PLG: variants seen among roughly 807,000 people sequenced by gnomAD.
The protein encoded by PLG is plasminogen, also known as plasmin.
PLG carries 41 observed loss-of-function variants against 104.4 expected under a neutral mutation model. The observed-to-expected ratio is 0.39, with a 90% CI of 0.31 to 0.51. The LOEUF (loss-of-function observed/expected upper bound fraction) is 0.51, where lower values mean the gene tolerates loss of function less well. Among genes scored for constraint, PLG ranks in the 20% least tolerant of loss-of-function variants. The pLI is 0.76. For synonymous variants in PLG, 337 were observed against 357.1 expected (o/e 0.94, Z 0.63); for missense variants, 891 against 1,003.6 (o/e 0.89, Z 1.52).
rs956769520 is a variant in PLG at position 160,734,760 on chromosome 6, A to G, written c.1681+672A>G. 8.6e-5 allele frequency among the ~76,000 whole-genome samples: 13 copies of G among 150,900 alleles called. No individual in the cohort carries two copies. The East Asian group carries it at 1.2e-3, about 14-fold the overall frequency. On this transcript the variant is annotated intron_variant, in intron 13 of 18. Transcript: ENST00000308192. The surrounding 1 kb of genome is among the most constrained non-coding windows in gnomAD (Gnocchi z 4.4). The stretch of plus-strand genomic sequence containing the variant: ...GGGTATTTCTGAAAAAAAAAAAAAA[A>G]AAAAGAAAGGAAGCTACTTGGAATT...
chr6:160,749,106 G>A (rs141831021), intron 17 of PLG, among the ~76,000 whole-genome samples: 17 of 152,322 alleles, frequency 1.1e-4, no homozygotes, highest in Middle Eastern at 6.8e-3. Flanking sequence ...ATGAAAGCAC[G>A]AAGCTAAAAT....
Position 160,726,585 on chromosome 6 carries a change from AT to A in PLG, c.1256+4021del, listed in dbSNP as rs199826280. ...GTCTATGAGGTTAAAACACCTTTAA[AT>A]TTAAAAAAAAAAGATTTTATTTGCT... On this transcript the variant is annotated intron_variant, in intron 10 of 18. Coordinates refer to ENST00000308192, the MANE Select transcript of PLG (RefSeq NM_000301.5). The surrounding 1 kb of genome is among the most constrained non-coding windows in gnomAD (Gnocchi z 4.4). Among the ~76,000 whole-genome samples, 1 of 129,144 alleles carries A rather than the reference AT, an allele frequency of 7.7e-6. No individual in the cohort carries two copies. Among genetic ancestry groups the A allele is most frequent in the Non-Finnish European group, 1.7e-5 (1 of 58,156 alleles). The allele number at this position is 129,144 out of a possible 152,430, so 84.7% of individuals were successfully genotyped here. A position where few individuals can be genotyped will look rare whatever the true frequency, so the allele number is the denominator to read the frequency against.
intron 1 of PLG, among the ~76,000 whole-genome samples, chr6:160,703,093 C>CT (rs35289817): frequency 0.51 from 77,122 of 151,782 alleles, 20,261 homozygotes; most frequent in Non-Finnish European, 0.58. Context: ...ACAAAGAAAT[C>CT]AGACTTAGGA....
rs745998773 is a variant in PLG, at chr6:160,739,845, A to C, written c.2018+637A>C. Among the ~76,000 whole-genome samples, 1 of 152,058 alleles carries C rather than the reference A, an allele frequency of 6.6e-6. No homozygotes were observed. Among genetic ancestry groups the C allele is most frequent in the Non-Finnish European group, 1.5e-5 (1 of 68,010 alleles). On this transcript the variant is annotated intron_variant, in intron 16 of 18. Transcript: ENST00000308192. The surrounding 1 kb of genome is among the most constrained non-coding windows in gnomAD (Gnocchi z 4.4). ...AAAAAAATCACAAATACAGTTTATA[A>C]ATGTAAATTATATTATTATTATTGT...
In PLG at chr6:160,753,130, T is replaced by C. The variant is rs1242576405; in HGVS notation, c.*69T>C. ...GAACGTGGGTAGGGATTTAGCATGC[T>C]GGAAATAACTGGCAGTAATCAAACG... On this transcript the variant is annotated 3_prime_UTR_variant, in exon 19 of 19. Coordinates refer to ENST00000308192, the MANE Select transcript of PLG (RefSeq NM_000301.5). This position sits in a 1 kb window ranked among gnomAD's most constrained non-coding sequence, Gnocchi z 5.4. 3.2e-6 allele frequency: 3 copies of C among 945,628 alleles called. No individual in the cohort carries two copies. The highest frequency in any genetic ancestry group is 3.3e-5 in the African/African-American group (2 of 61,002). The allele number at this position is 945,628 out of a possible 1,614,324, so 58.6% of individuals were successfully genotyped here.
At chr6:160,710,214 A>G (rs1777614305) in intron 3 of PLG, among the ~76,000 whole-genome samples, 1 of 152,380 alleles carries the variant, frequency 6.6e-6, no homozygotes, top group East Asian at 1.9e-4. Context: ...AATTTTTTAA[A>G]TGATTCATGT....
Position 160,726,336 on chromosome 6 carries a change from A to T in PLG, c.1256+3769A>T, listed in dbSNP as rs9456578. 0.21 allele frequency among the ~76,000 whole-genome samples: 31,995 copies of T among 152,054 alleles called. 3,979 individuals carry two copies. The highest frequency in any genetic ancestry group is 0.29 in the Non-Finnish European group (19,690 of 67,844). On this transcript the variant is annotated intron_variant, in intron 10 of 18. Coordinates refer to ENST00000308192, the MANE Select transcript of PLG (RefSeq NM_000301.5). This position sits in a 1 kb window ranked among gnomAD's most constrained non-coding sequence, Gnocchi z 4.4. ...TGAAAATGAAACAACACATTTCCAA[A>T]TACTTCATAAGTCAAAGAAGGAATT... is the stretch of plus-strand genomic sequence containing the variant.
chr6:160,717,620 G>C (rs1354194476), intron 7 of PLG, among the ~76,000 whole-genome samples: 2 of 152,058 alleles, frequency 1.3e-5, no homozygotes, highest in East Asian at 1.9e-4. Context: ...ATTCAGTCAT[G>C]TCTACTCAGT....
At chr6:160,745,065 A>C (rs1046803665) in intron 17 of PLG, among the ~76,000 whole-genome samples, 2 of 152,092 alleles carry the variant, frequency 1.3e-5, no homozygotes, top group Non-Finnish European at 2.9e-5. Flanking sequence ...AGATTGTTTT[A>C]TGTCCAATTA....
rs1168655098 is a variant in PLG at position 160,702,291 on chromosome 6, T to A, written c.-14T>A. ...TTGGGACCCACTTTCTGGGCACTGCTGGCCAGTCCCAAAATGGAACATAAG... is the reference window on the plus strand; with the variant it reads ...TTGGGACCCACTTTCTGGGCACTGCAGGCCAGTCCCAAAATGGAACATAAG... On this transcript the variant is annotated 5_prime_UTR_variant, in exon 1 of 19. Coordinates refer to ENST00000308192, the MANE Select transcript of PLG (RefSeq NM_000301.5). The A allele has an allele frequency of 6.2e-7, 1 of 1,610,124 alleles. No homozygotes were observed. Among genetic ancestry groups the A allele is most frequent in the South Asian group, 1.1e-5 (1 of 90,774 alleles).
At chr6:160,713,297 T>A in intron 5 of PLG, 172 bp downstream of exon 5, 2 of 622,690 alleles carry the variant, frequency 3.2e-6, no homozygotes, top group Non-Finnish European at 5.8e-6. Context: ...TGAGACAGAG[T>A]TTTGCTCTCG....
rs1441182552 is a variant in PLG, at chr6:160,719,668, T to A, written c.1096+830T>A. ...CACTTAGTAAATTAATTTTTAATGG[T>A]TTTAGTATTTTCCACAATGTTTATA... On this transcript the variant is annotated intron_variant, in intron 9 of 18. Transcript: ENST00000308192. The surrounding 1 kb of genome is among the most constrained non-coding windows in gnomAD (Gnocchi z 4.1). Among the ~76,000 whole-genome samples the A allele has an allele frequency of 6.6e-6, 1 of 152,162 alleles. No individual in the cohort carries two copies. Among genetic ancestry groups the A allele is most frequent in the African/African-American group, 2.4e-5 (1 of 41,448 alleles).
At chr6:160,705,651 A>G (rs1777508008) in intron 1 of PLG, 1 of 152,178 alleles carries the variant, frequency 6.6e-6, no homozygotes, top group Admixed American at 6.5e-5. Flanking sequence ...ACCATCATCT[A>G]TGCACCAAAA....
At chr6:160,722,745 T>C (rs1288917232) in intron 10 of PLG, among the ~76,000 whole-genome samples, 178 bp downstream of exon 10, 1 of 152,130 alleles carries the variant, frequency 6.6e-6, no homozygotes, top group East Asian at 1.9e-4. Flanking sequence ...GAAGAGAAAT[T>C]TTAGGCTGGC....
intron 17 of PLG, among the ~76,000 whole-genome samples, chr6:160,750,040 C>T (rs1219457905): frequency 2.6e-5 from 4 of 152,232 alleles, no homozygotes; most frequent in Admixed American, 2.6e-4. Context: ...CAAAACATAA[C>T]TCAGGCCTGC....
rs1480916139 is a variant in PLG at position 160,726,239 on chromosome 6, G to C, written c.1256+3672G>C. The stretch of plus-strand genomic sequence containing the variant: ...GATTGAAAAGAATTAAAATGATACA[G>C]AGTCTGTTTTTGAGCAAAACAGAAT... On this transcript the variant is annotated intron_variant, in intron 10 of 18. Coordinates refer to ENST00000308192, the MANE Select transcript of PLG (RefSeq NM_000301.5). The surrounding 1 kb of genome is among the most constrained non-coding windows in gnomAD (Gnocchi z 4.4). 6.6e-6 allele frequency among the ~76,000 whole-genome samples: 1 copy of C among 152,006 alleles called. No individual in the cohort carries two copies. The highest frequency in any genetic ancestry group is 1.9e-4 in the East Asian group (1 of 5,196).
chr6:160,722,423 C>T lies in PLG; in HGVS notation c.1112C>T (p.Thr371Ile), dbSNP rs780940385. ...TTAATTTCAGCACCACCTGAGCTAACCCCTGTGGTCCAGGACTGCTACCAT... is the reference window on the plus strand; with the variant it reads ...TTAATTTCAGCACCACCTGAGCTAATCCCTGTGGTCCAGGACTGCTACCAT... Reference protein sequence around the residue: ...QLAPTAPPELTPVVQDCYHGD... With the variant: ...QLAPTAPPELIPVVQDCYHGD... Residue 371 changes from threonine (T) to isoleucine (I), a missense_variant, in exon 10 of 19, where the codon ACC becomes ATC. Around this residue, in one of 2 missense-constraint regions of PLG, gnomAD observed 854 missense variants for 932.1 expected, o/e 0.92. Transcript: ENST00000308192. 1.2e-5 allele frequency: 19 copies of T among 1,611,736 alleles called. No individual in the cohort carries two copies. The Middle Eastern group carries it at 4.9e-4, about 42-fold the overall frequency.
At position 160,731,573 on chromosome 6, in the gene PLG, T is replaced by C. The variant is rs541442818; in HGVS notation, c.1439-172T>C. ...GATTCTTTCCAAGCCAGTAAGCATC[T>C]CCAGTAATTTCTTAAGGTAGGCAGC... On this transcript the variant is annotated intron_variant, in intron 11 of 18. Transcript: ENST00000308192. The surrounding 1 kb of genome is among the most constrained non-coding windows in gnomAD (Gnocchi z 5.1). 1.4e-4 allele frequency among the ~76,000 whole-genome samples: 21 copies of C among 152,328 alleles called. No homozygotes were observed. Among genetic ancestry groups the C allele is most frequent in the Admixed American group, 1.0e-3 (16 of 15,300 alleles).
chr6:160,740,907 GCAATTTTA>G lies in PLG; in HGVS notation c.2019-401_2019-394del, dbSNP rs1562381137. On this transcript the variant is annotated intron_variant, in intron 16 of 18. Transcript: ENST00000308192. This position sits in a 1 kb window ranked among gnomAD's most constrained non-coding sequence, Gnocchi z 5.2. ...GTTGCTCTGGGCACACAACACATTT[GCAATTTTA>G]CAGCCTCTTGGTGGCATCTCAGTCA... Among the ~76,000 whole-genome samples the G allele has an allele frequency of 6.6e-6, 1 of 152,152 alleles. No homozygotes were observed. Among genetic ancestry groups the G allele is most frequent in the Non-Finnish European group, 1.5e-5 (1 of 68,036 alleles).
Sources: gnomAD v4.1 joint callset for allele counts (sites outside exome capture counted in the v4.1 genomes callset) on GRCh38, gnomAD v4.1.1 for gene constraint, gnomAD v4.1.1 regional missense constraint, Gnocchi (gnomAD v3.1) non-coding constraint, MANE v1.5 for transcripts, NCBI Gene and HGNC (gene_info 2026-07-23, HGNC 2026-07-21) for gene names.